NUFIP1: variants seen among roughly 807,000 people sequenced by gnomAD.
The protein encoded by NUFIP1 is FMR1-interacting protein NUFIP1.
A neutral mutation model predicts 56.2 loss-of-function variants in NUFIP1; 38 were observed. That is an observed-to-expected ratio of 0.68 (90% CI 0.52 to 0.89). The LOEUF (loss-of-function observed/expected upper bound fraction) is 0.89, where lower values mean the gene tolerates loss of function less well. Ranked by LOEUF, NUFIP1 falls within the 40% of genes least tolerant of loss-of-function variation. The pLI, the probability that NUFIP1 is intolerant of heterozygous loss-of-function variation, is 0.00. For synonymous variants in NUFIP1, 215 were observed against 212.4 expected (o/e 1.01, Z -0.10); for missense variants, 567 against 605.8 (o/e 0.94, Z 0.67).
intron 7 of NUFIP1, among the ~76,000 whole-genome samples, chr13:44,955,955 A>G (rs1434478732): frequency 6.6e-6 from 1 of 151,822 alleles, no homozygotes; most frequent in African/African-American, 2.4e-5. Flanking sequence ...CATCCTGGCT[A>G]ACACGGTGAA....
At chr13:44,945,892 C>T (rs1870889152) in intron 8 of NUFIP1, among the ~76,000 whole-genome samples, 1 of 152,050 alleles carries the variant, frequency 6.6e-6, no homozygotes, top group South Asian at 2.1e-4. Context: ...ACCCATAATA[C>T]TCAAACATTA....
intron 5 of NUFIP1, among the ~76,000 whole-genome samples, chr13:44,975,710 A>C (rs1032704701): frequency 6.6e-6 from 1 of 152,042 alleles, no homozygotes; most frequent in African/African-American, 2.4e-5. Context: ...GAAACACCCT[A>C]ATCTTCCAGA....
intron 7 of NUFIP1, among the ~76,000 whole-genome samples, chr13:44,951,611 G>A (rs1871085948): frequency 1.3e-5 from 2 of 152,026 alleles, no homozygotes; most frequent in South Asian, 2.1e-4. Context: ...CCCTTTTATA[G>A]TAAAACTCCA....
chr13:44,961,052 G>GAAAAAAAAAAAAAAAAA (rs975537873), intron 6 of NUFIP1, among the ~76,000 whole-genome samples: 1 of 53,570 alleles, frequency 1.9e-5, no homozygotes. Flanking sequence ...TCTGTCTCCA[G>GAAAAAAAAAAAAAAAAA]AAAAAAAAAA....
chr13:44,946,892 G>A (rs371738727), intron 8 of NUFIP1, among the ~76,000 whole-genome samples: 6 of 152,114 alleles, frequency 3.9e-5, no homozygotes, highest in African/African-American at 1.4e-4. Context: ...AATACTGAAA[G>A]CTAGAAATTT....
Position 44,989,090 on chromosome 13 carries a change from G to A in NUFIP1, c.347C>T (p.Thr116Ile), listed in dbSNP as rs1368856847. The A allele has an allele frequency of 6.2e-7, 1 of 1,614,226 alleles. No homozygotes were observed. Among genetic ancestry groups the A allele is most frequent in the Admixed American group, 1.7e-5 (1 of 60,024 alleles). ...SGQPWNFHAS[T>I]SWYWRQSSDR... Reference sequence around the variant, plus strand: ...AGAAGACTGTCTCCAATACCACGATGTGGAAGCATGGAAATTCCAAGGCTG... The same window carrying A: ...AGAAGACTGTCTCCAATACCACGATATGGAAGCATGGAAATTCCAAGGCTG... Residue 116 changes from threonine to isoleucine, a missense_variant, in exon 1 of 10, where the codon ACA (threonine) becomes ATA (isoleucine). Transcript: ENST00000379161.
At chr13:44,955,747 T>TAA (rs1871210753) in intron 7 of NUFIP1, among the ~76,000 whole-genome samples, 3 of 152,052 alleles carry the variant, frequency 2.0e-5, no homozygotes, top group Non-Finnish European at 4.4e-5. Context: ...GTGTCCAATC[T>TAA]TTTGGCCTCC....
intron 7 of NUFIP1, among the ~76,000 whole-genome samples, chr13:44,956,137 G>A (rs918215021): frequency 8.6e-6 from 1 of 115,664 alleles, no homozygotes; most frequent in Non-Finnish European, 1.7e-5. Context: ...GCGAGACTCC[G>A]TCTCAAAAAA....
At chr13:44,986,389 A>T (rs1163306884) in intron 1 of NUFIP1, among the ~76,000 whole-genome samples, 2 of 152,136 alleles carry the variant, frequency 1.3e-5, no homozygotes, top group African/African-American at 4.8e-5. Flanking sequence ...ACTGCAAGAG[A>T]ACTACAATTA....
Position 44,989,196 on chromosome 13 carries a change from A to AG in NUFIP1, c.240dup (p.Phe81LeufsTer20). 1.2e-6 allele frequency: 2 copies of AG among 1,610,748 alleles called. No individual in the cohort carries two copies. Among genetic ancestry groups the AG allele is most frequent in the African/African-American group, 1.3e-5 (1 of 74,872 alleles). On this transcript the variant is annotated frameshift_variant, in exon 1 of 10. Coordinates refer to ENST00000379161, the MANE Select transcript of NUFIP1 (RefSeq NM_012345.3). LOFTEE classifies it high-confidence loss of function. ...GCCCCGGGAAGAATCTGGGCGTCGA[A>AG]GGGGGGCGGAGCCCCGGGGAGAGAC...
At chr13:44,960,394 G>A (rs921241529) in intron 6 of NUFIP1, among the ~76,000 whole-genome samples, 4 of 151,366 alleles carry the variant, frequency 2.6e-5, no homozygotes, top group African/African-American at 4.9e-5. Context: ...TCAGCCTCCC[G>A]AGTAGCTGGG....
At chr13:44,966,615 A>G (rs924667167) in intron 5 of NUFIP1, among the ~76,000 whole-genome samples, 2 of 152,010 alleles carry the variant, frequency 1.3e-5, no homozygotes, top group Non-Finnish European at 2.9e-5. Context: ...ACGCCCGGCC[A>G]AGTCTATCCA....
chr13:44,984,977 G>A (rs1314299810), intron 1 of NUFIP1, among the ~76,000 whole-genome samples: 5 of 152,064 alleles, frequency 3.3e-5, no homozygotes. Flanking sequence ...TTCTGTCCTT[G>A]CAATAGTTTA....
intron 7 of NUFIP1, among the ~76,000 whole-genome samples, chr13:44,956,830 G>A (rs927777932): frequency 5.3e-5 from 8 of 152,044 alleles, no homozygotes; most frequent in South Asian, 2.1e-4. Context: ...GTTCCTAACA[G>A]GCTAAGGAAC....
Position 44,979,183 on chromosome 13 carries a change from T to A in NUFIP1, c.734+7A>T. ...CAGTTATTTCACCAGTTCTGAACTC[T>A]ACTCACTTCCTTCTTTCTTCCCTCC... is the stretch of plus-strand genomic sequence containing the variant. On this transcript the variant is annotated splice_region_variant and intron_variant, in intron 5 of 9. Coordinates refer to ENST00000379161, the MANE Select transcript of NUFIP1 (RefSeq NM_012345.3). The A allele has an allele frequency of 6.2e-7, 1 of 1,606,676 alleles. No individual in the cohort carries two copies. Among genetic ancestry groups the A allele is most frequent in the Non-Finnish European group, 8.5e-7 (1 of 1,174,588 alleles).
chr13:44,978,045 A>C (rs941641063), intron 5 of NUFIP1, among the ~76,000 whole-genome samples: 1 of 151,676 alleles, frequency 6.6e-6, no homozygotes, highest in Non-Finnish European at 1.5e-5. Flanking sequence ...ACTCTGACTC[A>C]AAAAAAAATT....
chr13:44,967,769 G>A (rs1478756677), intron 5 of NUFIP1, among the ~76,000 whole-genome samples: 6 of 152,148 alleles, frequency 3.9e-5, no homozygotes, highest in Non-Finnish European at 1.5e-5. Context: ...TTGTTTCTCT[G>A]CACAGCTGTG....
chr13:44,961,128 G>A (rs145517069), intron 6 of NUFIP1, among the ~76,000 whole-genome samples: 41 of 152,174 alleles, frequency 2.7e-4, no homozygotes, highest in African/African-American at 9.4e-4. Flanking sequence ...GTGTGTGCGG[G>A]GGCGGGGAAG....
chr13:44,961,724 T>C (rs1050359548), intron 6 of NUFIP1, among the ~76,000 whole-genome samples: 18 of 152,340 alleles, frequency 1.2e-4, no homozygotes, highest in South Asian at 8.3e-4. Context: ...TCCAGCCCAC[T>C]GGCCCCATAA....
Sources: gnomAD v4.1 joint callset for allele counts (sites outside exome capture counted in the v4.1 genomes callset) on GRCh38, gnomAD v4.1.1 for gene constraint, MANE v1.5 for transcripts, NCBI Gene and HGNC (gene_info 2026-07-23, HGNC 2026-07-21) for gene names.